The following CPEB3 variants were observed in gnomAD, a reference collection of about 807,000 sequenced individuals.
CPEB3 encodes cytoplasmic polyadenylation element binding protein 3.
In CPEB3, 20 loss-of-function variants were observed where a neutral mutation model predicts 67.2. The observed-to-expected ratio is 0.30, with a 90% CI of 0.21 to 0.43. The LOEUF (loss-of-function observed/expected upper bound fraction) is 0.43, where lower values mean the gene tolerates loss of function less well. Among genes scored for constraint, CPEB3 ranks in the 20% least tolerant of loss-of-function variants. The probability of loss-of-function intolerance (pLI) is 1.00; values close to 1 mark genes in which losing one functional copy is unlikely to be tolerated. For missense variants in CPEB3, 746 were observed against 968.6 expected (o/e 0.77, Z 3.05); for synonymous variants, 376 against 393.1 (o/e 0.96, Z 0.51).
At chr10:92,129,444 A>G (rs951111069) in intron 6 of CPEB3, among the ~76,000 whole-genome samples, 2 of 152,100 alleles carry the variant, frequency 1.3e-5, no homozygotes, top group African/African-American at 4.8e-5. Flanking sequence ...ACAAACCCCT[A>G]TGACCTACAT....
intron 3 of CPEB3, among the ~76,000 whole-genome samples, chr10:92,189,079 A>G (rs1438680523): frequency 6.6e-6 from 1 of 152,210 alleles, no homozygotes; most frequent in Non-Finnish European, 1.5e-5. Flanking sequence ...TTTACTGAAT[A>G]CATTTCTAAG....
chr10:92,061,422 A>G (rs1358826717), intron 9 of CPEB3, among the ~76,000 whole-genome samples: 1 of 148,458 alleles, frequency 6.7e-6, no homozygotes, highest in Non-Finnish European at 1.5e-5. Flanking sequence ...TCTGTCTCAA[A>G]AAAAAAAAAA....
At chr10:92,089,625 A>T (rs1843531134) in intron 8 of CPEB3, among the ~76,000 whole-genome samples, 1 of 152,142 alleles carries the variant, frequency 6.6e-6, no homozygotes, top group Non-Finnish European at 1.5e-5. Context: ...TCTCTACCAA[A>T]AATACAAAAC....
At position 92,239,792 on chromosome 10, in the gene CPEB3, G is replaced by T. The variant is rs1246840349; in HGVS notation, c.559C>A (p.Pro187Thr). 7.1e-7 allele frequency: 1 copy of T among 1,411,908 alleles called. No homozygotes were observed. The highest frequency in any genetic ancestry group is 9.2e-7 in the Non-Finnish European group (1 of 1,089,822). 87.5% of individuals were successfully genotyped at this position (1,411,908 alleles called of 1,614,324 possible). Residue 187 changes from proline (P) to threonine (T), a missense_variant, in exon 2 of 10, where the codon CCG becomes ACG. Transcript: ENST00000265997. This position sits in a 1 kb window ranked among gnomAD's most constrained non-coding sequence, Gnocchi z 6.0. ...CTGGCGGGTGAGCGGCGCTGCTGCG[G>T]GGGCTGCGCCTGTGGTGGCTGCGCT... ...QPAQPPQAQPPQQRRSPASPS... is the reference protein window; with the variant it reads ...QPAQPPQAQPTQQRRSPASPS...
intron 2 of CPEB3, among the ~76,000 whole-genome samples, chr10:92,222,764 G>A (rs1850765755): frequency 6.6e-6 from 1 of 152,078 alleles, no homozygotes; most frequent in African/African-American, 2.4e-5. Flanking sequence ...GATGGCTCCT[G>A]TACCCTTTTA....
intron 9 of CPEB3, among the ~76,000 whole-genome samples, chr10:92,059,291 C>G (rs1842238975): frequency 8.1e-6 from 1 of 123,056 alleles, no homozygotes. Context: ...TGCGCCATTG[C>G]ACTCCAGCCT....
chr10:92,258,643 T>TATATATATAC (rs1480933166), intron 1 of CPEB3, among the ~76,000 whole-genome samples: 1 of 31,210 alleles, frequency 3.2e-5, no homozygotes, highest in African/African-American at 6.5e-5. Flanking sequence ...TATATATATA[T>TATATATATAC]ATATATATAT....
intron 1 of CPEB3, among the ~76,000 whole-genome samples, chr10:92,273,217 C>T (rs537403351): frequency 6.6e-6 from 1 of 151,888 alleles, no homozygotes; most frequent in Non-Finnish European, 1.5e-5. Flanking sequence ...CCATCTATGC[C>T]CTTTGTCTAG....
intron 1 of CPEB3, among the ~76,000 whole-genome samples, chr10:92,247,777 G>A (rs1017485057): frequency 1.3e-5 from 2 of 152,252 alleles, no homozygotes; most frequent in Non-Finnish European, 2.9e-5. Flanking sequence ...CTTCCCAAAG[G>A]CTGGGATTAC....
chr10:92,176,974 A>G (rs994602278), intron 4 of CPEB3, among the ~76,000 whole-genome samples: 2 of 152,264 alleles, frequency 1.3e-5, no homozygotes, highest in African/African-American at 4.8e-5. Context: ...ATTTAAAACA[A>G]TATGAGTTAG....
chr10:92,159,967 G>A (rs1324136366), intron 4 of CPEB3, among the ~76,000 whole-genome samples: 3 of 149,836 alleles, frequency 2.0e-5, no homozygotes, highest in Non-Finnish European at 4.4e-5. Flanking sequence ...TTCTGAGATG[G>A]AGTCTCGTTC....
At chr10:92,214,745 C>CA (rs1290191225) in intron 2 of CPEB3, among the ~76,000 whole-genome samples, 1 of 152,128 alleles carries the variant, frequency 6.6e-6, no homozygotes, top group Non-Finnish European at 1.5e-5. Flanking sequence ...CTCGGCCTCT[C>CA]AAAGTGCTGG....
At chr10:92,066,782 C>T (rs1026151888) in intron 9 of CPEB3, among the ~76,000 whole-genome samples, 2 of 152,156 alleles carry the variant, frequency 1.3e-5, no homozygotes, top group Non-Finnish European at 2.9e-5. Flanking sequence ...CGATAGCTCA[C>T]ACCTGTAATT....
At chr10:92,058,586 TACATAC>T (rs1218008941) in intron 9 of CPEB3, among the ~76,000 whole-genome samples, 3 of 122,564 alleles carry the variant, frequency 2.4e-5, no homozygotes, top group African/African-American at 5.6e-5. Flanking sequence ...CATACATACA[TACATAC>T]ATATATATAT....
chr10:92,130,369 T>A (rs918495132), intron 6 of CPEB3, among the ~76,000 whole-genome samples: 5 of 152,032 alleles, frequency 3.3e-5, no homozygotes, highest in Admixed American at 1.3e-4. Flanking sequence ...GGACTATAAG[T>A]TTGTGAGGTC....
At chr10:92,176,154 A>AG in intron 4 of CPEB3, among the ~76,000 whole-genome samples, 1 of 152,246 alleles carries the variant, frequency 6.6e-6, no homozygotes, top group Admixed American at 6.5e-5. Context: ...CTATCAGGAA[A>AG]GCATCTACCT....
intron 1 of CPEB3, among the ~76,000 whole-genome samples, chr10:92,281,783 C>A (rs922872934): frequency 2.0e-5 from 3 of 152,146 alleles, no homozygotes; most frequent in African/African-American, 7.2e-5. Flanking sequence ...TTTTTGCATG[C>A]ACATGGTAAT....
At chr10:92,103,546 G>C (rs1844294962) in intron 7 of CPEB3, among the ~76,000 whole-genome samples, 1 of 152,194 alleles carries the variant, frequency 6.6e-6, no homozygotes, top group Non-Finnish European at 1.5e-5. Flanking sequence ...AAGGCTCCCT[G>C]TCCTCCAGGC....
chr10:92,250,841 C>T (rs1434995700), intron 1 of CPEB3, among the ~76,000 whole-genome samples: 1 of 151,112 alleles, frequency 6.6e-6, no homozygotes, highest in Non-Finnish European at 1.5e-5. Flanking sequence ...AGGCGCCTGC[C>T]ACCACACACA....
Sources: allele counts gnomAD v4.1 joint callset (sites outside exome capture counted in the v4.1 genomes callset), GRCh38; gene constraint gnomAD v4.1.1; non-coding constraint Gnocchi (gnomAD v3.1); transcripts MANE v1.5; gene names NCBI Gene and HGNC (gene_info 2026-07-23, HGNC 2026-07-21).